Variants in THSD4 observed in about 807,000 individuals in gnomAD.
THSD4 encodes the protein thrombospondin type-1 domain-containing protein 4.
Under a neutral mutation model 119.0 loss-of-function variants are expected in THSD4, and 69 were observed. The observed-to-expected ratio is 0.58, with a 90% CI of 0.48 to 0.71. The LOEUF (loss-of-function observed/expected upper bound fraction) is 0.71. Among genes scored for constraint, THSD4 ranks in the 30% least tolerant of loss-of-function variants. The pLI is 0.00. For missense variants in THSD4, 1,393 were observed against 1,391.1 expected (o/e 1.00, Z -0.02); for synonymous variants, 524 against 540.4 (o/e 0.97, Z 0.42).
chr15:71,111,536 GTGTTT>G, upstream of THSD4: 2 of 782,720 alleles, frequency 2.6e-6, no homozygotes. Flanking sequence ...AACTCTCAAA[GTGTTT>G]TGTTTTGTTT....
At chr15:71,604,931 A>G (rs1165515739) in intron 7 of THSD4, among the ~76,000 whole-genome samples, 2 of 152,200 alleles carry the variant, frequency 1.3e-5, no homozygotes, top group African/African-American at 4.8e-5. Flanking sequence ...AATAAAGGTC[A>G]GTAGGAAATG....
intron 14 of THSD4, among the ~76,000 whole-genome samples, chr15:71,755,295 ATG>A (rs2053518877): frequency 6.6e-6 from 1 of 152,234 alleles, no homozygotes; most frequent in African/African-American, 2.4e-5. Flanking sequence ...GGAAAGGTAA[ATG>A]TTTGATCGCT....
intron 6 of THSD4, among the ~76,000 whole-genome samples, chr15:71,390,343 G>A (rs1031112112): frequency 1.3e-5 from 2 of 152,120 alleles, no homozygotes; most frequent in Non-Finnish European, 2.9e-5. Context: ...GACTTTAGCT[G>A]GACAAGGAAA....
At chr15:71,705,936 G>A (rs1269026057) in intron 8 of THSD4, among the ~76,000 whole-genome samples, 1 of 152,140 alleles carries the variant, frequency 6.6e-6, no homozygotes, top group East Asian at 1.9e-4. Context: ...AGGGAGAGAG[G>A]CAGAGAATGC....
intron 7 of THSD4, among the ~76,000 whole-genome samples, chr15:71,604,614 T>G (rs534616755): frequency 6.6e-6 from 1 of 152,290 alleles, no homozygotes; most frequent in Non-Finnish European, 1.5e-5. Flanking sequence ...CCTGGTGAAA[T>G]GTGTATTATC....
intron 6 of THSD4, among the ~76,000 whole-genome samples, chr15:71,352,829 G>A (rs1384795319): frequency 6.6e-6 from 1 of 152,216 alleles, no homozygotes; most frequent in East Asian, 1.9e-4. Context: ...ATAGAGGAAA[G>A]CTTAACATTT....
chr15:71,118,248 A>C (rs1209875292), intron 1 of THSD4, among the ~76,000 whole-genome samples: 1 of 152,034 alleles, frequency 6.6e-6, no homozygotes, highest in Non-Finnish European at 1.5e-5. Context: ...TACTTTATTG[A>C]TCCAAGAGCC....
intron 8 of THSD4, among the ~76,000 whole-genome samples, chr15:71,694,198 A>G (rs1261038232): frequency 1.3e-5 from 2 of 152,166 alleles, no homozygotes; most frequent in African/African-American, 4.8e-5. Context: ...ATTTCCATCT[A>G]TGTTCTGGTG....
At chr15:71,264,412 G>A (rs2044440484) in intron 6 of THSD4, among the ~76,000 whole-genome samples, 1 of 152,202 alleles carries the variant, frequency 6.6e-6, no homozygotes, top group African/African-American at 2.4e-5. Flanking sequence ...TTACATGCCA[G>A]GGGATACCTG....
chr15:71,221,971 T>A (rs1265150020), intron 4 of THSD4, among the ~76,000 whole-genome samples: 1 of 152,242 alleles, frequency 6.6e-6, no homozygotes, highest in Non-Finnish European at 1.5e-5. Context: ...CATTGTAGTT[T>A]GGTTTGCATT....
chr15:71,318,251 A>G (rs962841438), intron 6 of THSD4, among the ~76,000 whole-genome samples: 2 of 152,204 alleles, frequency 1.3e-5, no homozygotes, highest in African/African-American at 4.8e-5. Context: ...CTGAGCCTCC[A>G]AAGTCACCAC....
chr15:71,748,683 C>G, intron 14 of THSD4, 89 bp downstream of exon 14: 1 of 1,478,284 alleles, frequency 6.8e-7, no homozygotes, highest in South Asian at 1.3e-5. Flanking sequence ...GCTCAGAATC[C>G]CAAGACTGAT....
intron 6 of THSD4, among the ~76,000 whole-genome samples, chr15:71,315,966 G>A (rs12898444): frequency 0.15 from 22,372 of 152,222 alleles, 1,705 homozygotes; most frequent in South Asian, 0.29. Context: ...AATGTAGGAT[G>A]ACTTTCAAAT....
chr15:71,648,621 A>G (rs368160838), intron 7 of THSD4, among the ~76,000 whole-genome samples: 14 of 152,360 alleles, frequency 9.2e-5, no homozygotes, highest in African/African-American at 3.4e-4. Flanking sequence ...ATTGAAATGC[A>G]AATAGATTGT....
chr15:71,623,319 A>T (rs2050451566), intron 7 of THSD4, among the ~76,000 whole-genome samples: 1 of 152,210 alleles, frequency 6.6e-6, no homozygotes, highest in Non-Finnish European at 1.5e-5. Flanking sequence ...ATTGTGCGAA[A>T]TGCTTTACAT....
In THSD4 at chr15:71,567,776, A is replaced by AGTGT. The variant is rs35003821; in HGVS notation, c.1153-92739_1153-92736dup. Among the ~76,000 whole-genome samples the AGTGT allele has an allele frequency of 8.1e-4, 122 of 150,530 alleles. 1 individual carries two copies. The highest frequency in any genetic ancestry group is 1.0e-3 in the African/African-American group (41 of 40,900). ...CAGCTGGAGAGAGAAAGAGAGAGAG[A>AGTGT]GTGTGTGTGTGTGTGTGTTTGTAGG... On this transcript the variant is annotated intron_variant, in intron 7 of 17. Coordinates refer to ENST00000261862, the MANE Select transcript of THSD4 (RefSeq NM_024817.3).
At chr15:71,581,317 G>A (rs72739275) in intron 7 of THSD4, among the ~76,000 whole-genome samples, 10,055 of 152,188 alleles carry the variant, frequency 0.066, 361 homozygotes, top group Admixed American at 0.12. Flanking sequence ...TAGTGATATT[G>A]AGCATCTTTT....
At chr15:71,750,514 C>G (rs117659210) in intron 14 of THSD4, among the ~76,000 whole-genome samples, 2 of 152,256 alleles carry the variant, frequency 1.3e-5, no homozygotes, top group Non-Finnish European at 2.9e-5. Flanking sequence ...GCAGCCTTCA[C>G]TCCACCTCCA....
intron 6 of THSD4, among the ~76,000 whole-genome samples, chr15:71,410,837 G>T (rs1302458001): frequency 6.6e-6 from 1 of 152,074 alleles, no homozygotes; most frequent in African/African-American, 2.4e-5. Context: ...TTCAAGACTG[G>T]CCTGGCCAAC....
Sources: gnomAD v4.1 joint callset for allele counts (sites outside exome capture counted in the v4.1 genomes callset) on GRCh38, gnomAD v4.1.1 for gene constraint, MANE v1.5 for transcripts, NCBI Gene and HGNC (gene_info 2026-07-23, HGNC 2026-07-21) for gene names.